RIMS4: variants seen among roughly 807,000 people sequenced by gnomAD.
RIMS4 encodes the protein regulating synaptic membrane exocytosis 4.
Under a neutral mutation model 29.0 loss-of-function variants are expected in RIMS4, and 9 were observed. That is an observed-to-expected ratio of 0.31 (90% confidence interval 0.19 to 0.54). The LOEUF is 0.54. Ranked by LOEUF, RIMS4 falls within the 20% of genes least tolerant of loss-of-function variation. The probability of loss-of-function intolerance (pLI) is 0.94; values close to 1 mark genes in which losing one functional copy is unlikely to be tolerated. For missense variants in RIMS4, 193 were observed against 365.7 expected (o/e 0.53, Z 3.85); for synonymous variants, 130 against 152.9 (o/e 0.85, Z 1.10).
At chr20:44,785,354 C>T (rs1478929720) in intron 1 of RIMS4, among the ~76,000 whole-genome samples, 2 of 151,890 alleles carry the variant, frequency 1.3e-5, no homozygotes, top group Non-Finnish European at 1.5e-5. Context: ...TCAGCCGGTA[C>T]TACACACCAC....
At chr20:44,801,033 T>C (rs764145569) in intron 1 of RIMS4, among the ~76,000 whole-genome samples, 3 of 152,192 alleles carry the variant, frequency 2.0e-5, no homozygotes, top group African/African-American at 4.8e-5. Flanking sequence ...GTGTTGTACA[T>C]ACATCCTCTG....
At position 44,756,091 on chromosome 20, in the gene RIMS4, G is replaced by A. The variant is rs1280585095; in HGVS notation, c.*43C>T. 5 of 1,481,356 alleles carry A rather than the reference G, an allele frequency of 3.4e-6. No homozygotes were observed. Among genetic ancestry groups the A allele is most frequent in the South Asian group, 2.5e-5 (2 of 80,324 alleles). 91.8% of individuals were successfully genotyped at this position (1,481,356 alleles called of 1,614,324 possible). A position where few individuals can be genotyped will look rare whatever the true frequency, so the allele number is the denominator to read the frequency against. On this transcript the variant is annotated 3_prime_UTR_variant, in exon 6 of 6. Transcript: ENST00000372851. The surrounding 1 kb of genome is among the most constrained non-coding windows in gnomAD (Gnocchi z 5.9). ...GCCTGGGGTCCCAGGTCAGGGCTGG[G>A]TGGTCTCCAGGCCATCTTGGGGAGC... is the stretch of plus-strand genomic sequence containing the variant.
intron 1 of RIMS4, among the ~76,000 whole-genome samples, chr20:44,793,160 C>T (rs1466368504): frequency 2.0e-5 from 3 of 152,134 alleles, no homozygotes. Flanking sequence ...GAAGGGCCAC[C>T]CTGGGCTGTG....
intron 1 of RIMS4, among the ~76,000 whole-genome samples, chr20:44,780,896 A>T (rs571333704): frequency 1.6e-4 from 24 of 152,352 alleles, no homozygotes; most frequent in African/African-American, 5.1e-4. Flanking sequence ...AGGATTTGAG[A>T]ACCCTAGAGA....
At chr20:44,807,658 T>A (rs1410602413) in intron 1 of RIMS4, among the ~76,000 whole-genome samples, 1 of 152,146 alleles carries the variant, frequency 6.6e-6, no homozygotes, top group Non-Finnish European at 1.5e-5. Context: ...AGAAATCAGT[T>A]CAGTGCAGTG....
chr20:44,803,983 G>C (rs536616668), intron 1 of RIMS4, among the ~76,000 whole-genome samples: 2 of 152,332 alleles, frequency 1.3e-5, no homozygotes, highest in African/African-American at 4.8e-5. Context: ...GACAGCACAA[G>C]CACAGCCCCA....
At chr20:44,786,890 T>C (rs562434558) in intron 1 of RIMS4, among the ~76,000 whole-genome samples, 96 of 152,356 alleles carry the variant, frequency 6.3e-4, no homozygotes, top group Middle Eastern at 3.4e-3. Context: ...AGTATTTTTT[T>C]TGAGCACTTT....
intron 1 of RIMS4, among the ~76,000 whole-genome samples, chr20:44,785,434 C>T (rs942858055): frequency 1.1e-4 from 16 of 152,286 alleles, no homozygotes; most frequent in African/African-American, 3.4e-4. Flanking sequence ...TGGTCTCCAA[C>T]TCCTGGGCTC....
intron 1 of RIMS4, among the ~76,000 whole-genome samples, chr20:44,808,860 T>C (rs1268595221): frequency 2.0e-5 from 3 of 152,186 alleles, no homozygotes; most frequent in Non-Finnish European, 4.4e-5. Flanking sequence ...AGTCTAAACC[T>C]GGGCCCAGGA....
At chr20:44,796,487 C>T (rs1204635452) in intron 1 of RIMS4, among the ~76,000 whole-genome samples, 1 of 152,154 alleles carries the variant, frequency 6.6e-6, no homozygotes, top group Non-Finnish European at 1.5e-5. Context: ...TTTCCCAAGT[C>T]AGTGCCCATT....
At chr20:44,786,486 T>C (rs1601036065) in intron 1 of RIMS4, among the ~76,000 whole-genome samples, 2 of 152,318 alleles carry the variant, frequency 1.3e-5, no homozygotes, top group East Asian at 1.9e-4. Flanking sequence ...CCCATTTACA[T>C]ATATGTGCCA....
rs1357520086 is a variant in RIMS4, at chr20:44,767,678, G to C, written c.236+3597C>G. Among the ~76,000 whole-genome samples, 5 of 152,314 alleles carry C rather than the reference G, an allele frequency of 3.3e-5. No individual in the cohort carries two copies. The East Asian group carries it at 9.6e-4, about 29-fold the overall frequency. On this transcript the variant is annotated intron_variant, in intron 2 of 5. Coordinates refer to ENST00000372851, the MANE Select transcript of RIMS4 (RefSeq NM_182970.4). The stretch of plus-strand genomic sequence containing the variant: ...GCCACTGACTGGCTGTGTGACGTGG[G>C]GCAACTTATTTACCCTCTCTGAGCT...
At chr20:44,788,891 G>A (rs1292397928) in intron 1 of RIMS4, among the ~76,000 whole-genome samples, 1 of 152,042 alleles carries the variant, frequency 6.6e-6, no homozygotes, top group Non-Finnish European at 1.5e-5. Flanking sequence ...GAGCAGGGCT[G>A]GGCATGTATT....
At chr20:44,808,323 A>C (rs2066308204) in intron 1 of RIMS4, among the ~76,000 whole-genome samples, 1 of 152,224 alleles carries the variant, frequency 6.6e-6, no homozygotes, top group Non-Finnish European at 1.5e-5. Flanking sequence ...TTCTGACTTA[A>C]GTGAAACCAG....
At chr20:44,774,652 C>A (rs1355735388) in intron 1 of RIMS4, among the ~76,000 whole-genome samples, 1 of 152,164 alleles carries the variant, frequency 6.6e-6, no homozygotes, top group Non-Finnish European at 1.5e-5. Flanking sequence ...AATAAACTCT[C>A]CTTTATATAT....
At chr20:44,797,180 G>A (rs1049681415) in intron 1 of RIMS4, among the ~76,000 whole-genome samples, 1 of 152,232 alleles carries the variant, frequency 6.6e-6, no homozygotes, top group Non-Finnish European at 1.5e-5. Context: ...TACCCCAGGA[G>A]TCTGCAAACT....
At chr20:44,771,515 T>C in intron 1 of RIMS4, 102 bp from the exon 2 acceptor site, 1 of 1,339,336 alleles carries the variant, frequency 7.5e-7, no homozygotes, top group Non-Finnish European at 1.0e-6. Flanking sequence ...AGCTGGGGGC[T>C]GTCCAGCTTC....
At chr20:44,805,403 T>C (rs73288459) in intron 1 of RIMS4, among the ~76,000 whole-genome samples, 2,773 of 152,258 alleles carry the variant, frequency 0.018, 81 homozygotes, top group African/African-American at 0.061. Flanking sequence ...CAATTCTCCA[T>C]CATGCTTCAC....
intron 2 of RIMS4, among the ~76,000 whole-genome samples, chr20:44,762,166 A>T (rs1178372156): frequency 1.3e-5 from 2 of 152,222 alleles, no homozygotes; most frequent in Admixed American, 6.5e-5. Context: ...TGCTCCTATG[A>T]GAATCTAATG....
Sources: allele counts gnomAD v4.1 joint callset (sites outside exome capture counted in the v4.1 genomes callset), GRCh38; gene constraint gnomAD v4.1.1; non-coding constraint Gnocchi (gnomAD v3.1); transcripts MANE v1.5; gene names NCBI Gene and HGNC (gene_info 2026-07-23, HGNC 2026-07-21).